The following DSCAM variants were observed in gnomAD, a reference collection of about 807,000 sequenced individuals.
DSCAM encodes cell adhesion molecule DSCAM.
DSCAM carries 47 observed loss-of-function variants against 217.7 expected under a neutral mutation model. That is an observed-to-expected ratio of 0.22 (90% CI 0.17 to 0.28). The LOEUF (loss-of-function observed/expected upper bound fraction) is 0.28. Ranked by LOEUF, DSCAM falls within the 10% of genes least tolerant of loss-of-function variation. The pLI, the probability that DSCAM is intolerant of heterozygous loss-of-function variation, is 1.00. For synonymous variants in DSCAM, 1,056 were observed against 1,015.3 expected (o/e 1.04, Z -0.76); for missense variants, 2,080 against 2,618.3 (o/e 0.79, Z 4.49).
At chr21:40,414,172 G>C (rs535210027) in intron 3 of DSCAM, among the ~76,000 whole-genome samples, 1 of 152,144 alleles carries the variant, frequency 6.6e-6, no homozygotes, top group East Asian at 1.9e-4. Context: ...CCAAAAATAC[G>C]TTTAAGAAAA....
intron 3 of DSCAM, among the ~76,000 whole-genome samples, chr21:40,544,254 G>C (rs956325091): frequency 2.0e-5 from 3 of 152,212 alleles, no homozygotes; most frequent in African/African-American, 7.2e-5. Context: ...TCTATGCAAA[G>C]TATATGCAAA....
intron 6 of DSCAM, among the ~76,000 whole-genome samples, chr21:40,341,068 C>T (rs1050372088): frequency 1.1e-4 from 16 of 152,160 alleles, no homozygotes; most frequent in African/African-American, 4.8e-5. Flanking sequence ...AGTTTGTTTC[C>T]TCCAGGCTAT....
intron 15 of DSCAM, among the ~76,000 whole-genome samples, chr21:40,175,770 AACACACACATACACACACAC>A (rs1327422246): frequency 3.2e-5 from 4 of 126,352 alleles, no homozygotes; most frequent in African/African-American, 1.3e-4. Flanking sequence ...ATATTTTCTC[AACACACACATACACACACAC>A]ACACACACAC....
chr21:40,628,959 T>C lies in DSCAM; in HGVS notation c.508+63851A>G, dbSNP rs1601803670. Among the ~76,000 whole-genome samples, 4 of 152,068 alleles carry C rather than the reference T, an allele frequency of 2.6e-5. No individual in the cohort carries two copies. In the South Asian group the frequency reaches 6.2e-4, roughly 24 times the overall value. ...GATGGGGTTTGACATGTTGCCCAGG[T>C]TGGTATCAAACTCCTGGCCTCAAGC... On this transcript the variant is annotated intron_variant, in intron 3 of 32. Transcript: ENST00000400454.
chr21:40,015,139 C>G (rs756658729), intron 32 of DSCAM, among the ~76,000 whole-genome samples: 7 of 152,180 alleles, frequency 4.6e-5, no homozygotes, highest in Non-Finnish European at 5.9e-5. Context: ...TCCCATCTAT[C>G]TTTTCCATTT....
At chr21:40,157,576 A>T (rs1280403198) in intron 16 of DSCAM, among the ~76,000 whole-genome samples, 17 of 152,238 alleles carry the variant, frequency 1.1e-4, no homozygotes, top group Admixed American at 9.8e-4. Context: ...TAATGTCTGC[A>T]GTAACAATGG....
At chr21:40,086,585 T>C (rs1442340128) in intron 22 of DSCAM, among the ~76,000 whole-genome samples, 3 of 152,214 alleles carry the variant, frequency 2.0e-5, no homozygotes, top group African/African-American at 7.2e-5. Context: ...ACTTATATCC[T>C]AATTTCTTCT....
chr21:40,816,345 C>T (rs1282518048), intron 1 of DSCAM, among the ~76,000 whole-genome samples: 1 of 152,064 alleles, frequency 6.6e-6, no homozygotes, highest in African/African-American at 2.4e-5. Context: ...CCTTGGGAGG[C>T]CAAAGCAGGC....
intron 20 of DSCAM, among the ~76,000 whole-genome samples, chr21:40,121,236 AAAC>A (rs2146662108): frequency 6.6e-6 from 1 of 152,300 alleles, no homozygotes; most frequent in Non-Finnish European, 1.5e-5. Context: ...GATGAAAACA[AAAC>A]AAAACAAAAA....
intron 3 of DSCAM, among the ~76,000 whole-genome samples, chr21:40,462,080 C>T (rs2075810336): frequency 6.6e-6 from 1 of 152,164 alleles, no homozygotes; most frequent in African/African-American, 2.4e-5. Context: ...AGAAAAATGA[C>T]CACAGGAAGA....
chr21:40,788,868 T>A (rs2123456639), intron 1 of DSCAM, among the ~76,000 whole-genome samples: 1 of 152,336 alleles, frequency 6.6e-6, no homozygotes, highest in Non-Finnish European at 1.5e-5. Flanking sequence ...AATTTAACAG[T>A]TGACCTTTTT....
chr21:40,658,844 T>A (rs982954978), intron 3 of DSCAM, among the ~76,000 whole-genome samples: 3 of 152,182 alleles, frequency 2.0e-5, no homozygotes, highest in African/African-American at 7.2e-5. Context: ...AATTGCTGAA[T>A]AAAGAATCAA....
rs1277700200 is a variant in DSCAM, at chr21:40,028,938, A to AAGCAGGCAGCATTATCTAGCTGTAATTT, written c.5686+13405_5686+13432dup. ...CTTGAAATGAGGATAGCTATCCACAAAGCAGGCAGCATTATCTAGCTGTAA... is the reference window on the plus strand; with the variant it reads ...CTTGAAATGAGGATAGCTATCCACAAAGCAGGCAGCATTATCTAGCTGTAATTTAGCAGGCAGCATTATCTAGCTGTAA... On this transcript the variant is annotated intron_variant, in intron 32 of 32. Transcript: ENST00000400454. Among the ~76,000 whole-genome samples, 294 of 152,334 alleles carry AAGCAGGCAGCATTATCTAGCTGTAATTT rather than the reference A, an allele frequency of 1.9e-3. 2 individuals are homozygous for AAGCAGGCAGCATTATCTAGCTGTAATTT. The highest frequency in any genetic ancestry group is 6.6e-3 in the African/African-American group (276 of 41,582).
chr21:40,574,995 G>A (rs748148739), intron 3 of DSCAM, among the ~76,000 whole-genome samples: 4 of 150,244 alleles, frequency 2.7e-5, no homozygotes, highest in Admixed American at 1.3e-4. Flanking sequence ...CTAAGCCATC[G>A]CATCCCCTGT....
chr21:40,233,330 AT>A (rs1446070082), intron 11 of DSCAM, among the ~76,000 whole-genome samples: 8 of 152,168 alleles, frequency 5.3e-5, no homozygotes, highest in Admixed American at 5.2e-4. Context: ...TTTTAAATAT[AT>A]TTTTTTCTTC....
chr21:40,812,422 G>A (rs556750791), intron 1 of DSCAM, among the ~76,000 whole-genome samples: 8 of 152,154 alleles, frequency 5.3e-5, no homozygotes, highest in East Asian at 1.9e-4. Flanking sequence ...TGCCCAGCAC[G>A]CAGACAGTGA....
chr21:40,192,503 T>A (rs972302834), intron 11 of DSCAM, among the ~76,000 whole-genome samples: 4 of 152,206 alleles, frequency 2.6e-5, no homozygotes, highest in African/African-American at 9.7e-5. Context: ...CCTTTCACCA[T>A]GATTGTAAGT....
At chr21:40,291,715 T>C (rs1302739157) in intron 10 of DSCAM, among the ~76,000 whole-genome samples, 1 of 152,204 alleles carries the variant, frequency 6.6e-6, no homozygotes, top group Non-Finnish European at 1.5e-5. Flanking sequence ...TCCTGGGGTA[T>C]TTTGACAATG....
At position 40,178,150 on chromosome 21, in the gene DSCAM, A is replaced by G. The variant is rs142389132; in HGVS notation, c.2947+777T>C. Reference sequence around the variant, plus strand: ...GCGGGCTGACAATCAGCATTCATGGACCATTGCCTGATTGCTCAGTTCTCT... The same window carrying G: ...GCGGGCTGACAATCAGCATTCATGGGCCATTGCCTGATTGCTCAGTTCTCT... On this transcript the variant is annotated intron_variant, in intron 15 of 32. Transcript: ENST00000400454. Among the ~76,000 whole-genome samples the G allele has an allele frequency of 1.9e-3, 292 of 152,234 alleles. 2 individuals are homozygous for G. The highest frequency in any genetic ancestry group is 6.9e-3 in the African/African-American group (287 of 41,538).
Sources: gnomAD v4.1 joint callset for allele counts (sites outside exome capture counted in the v4.1 genomes callset) on GRCh38, gnomAD v4.1.1 for gene constraint, MANE v1.5 for transcripts, NCBI Gene and HGNC (gene_info 2026-07-23, HGNC 2026-07-21) for gene names.